Variants in DMD observed in about 807,000 individuals in gnomAD.
DMD encodes the protein mutant dystrophin.
In DMD, 63 loss-of-function variants were observed where a neutral mutation model predicts 330.1. The ratio of observed to expected loss-of-function variants is 0.19; its 90% CI spans 0.16 to 0.24. The LOEUF (loss-of-function observed/expected upper bound fraction) is 0.24. Ranked by LOEUF, DMD falls within the 10% of genes least tolerant of loss-of-function variation. The probability of loss-of-function intolerance (pLI) is 1.00; values close to 1 mark genes in which losing one functional copy is unlikely to be tolerated. For missense variants in DMD, 3,344 were observed against 2,684.1 expected, an observed-to-expected ratio of 1.25 and a Z score of -5.43; for synonymous variants, 1,223 against 959.8, an observed-to-expected ratio of 1.27 and a Z score of -5.07.
chrX:31,750,750 T>C (rs1312823792), intron 51 of DMD, among the ~76,000 whole-genome samples: 13 of 107,684 alleles, frequency 1.2e-4, no homozygotes, highest in African/African-American at 1.7e-4. Context: ...GAAAACCCCA[T>C]TGTCTCAGCC....
At chrX:32,864,822 A>C (rs774949760) in intron 2 of DMD, among the ~76,000 whole-genome samples, 1 of 112,266 alleles carries the variant, frequency 8.9e-6, no homozygotes, top group South Asian at 3.7e-4. Flanking sequence ...ATTCAACAAA[A>C]ACTTAAGGCT....
intron 28 of DMD, among the ~76,000 whole-genome samples, chrX:32,439,469 T>C (rs1474401836): frequency 8.9e-6 from 1 of 111,948 alleles, no homozygotes; most frequent in Admixed American, 9.5e-5. Flanking sequence ...CTAACAAATC[T>C]TAATTTTGTA....
At chrX:32,381,515 A>G (rs1185581402) in intron 33 of DMD, among the ~76,000 whole-genome samples, 1 of 111,339 alleles carries the variant, frequency 9.0e-6, no homozygotes, top group East Asian at 2.8e-4. Context: ...TACTAAAGGC[A>G]GTCAAATCAT....
intron 53 of DMD, among the ~76,000 whole-genome samples, chrX:31,676,552 A>G (rs1323364558): frequency 8.9e-6 from 1 of 112,125 alleles, no homozygotes; most frequent in Non-Finnish European, 1.9e-5. Flanking sequence ...ATTAATAATT[A>G]CATGAGTCTT....
intron 2 of DMD, among the ~76,000 whole-genome samples, chrX:32,906,204 T>C (rs933635819): frequency 2.2e-4 from 24 of 111,471 alleles, no homozygotes; most frequent in African/African-American, 7.9e-4. Context: ...GATGCTGTTC[T>C]CGCGATAGTG....
intron 60 of DMD, among the ~76,000 whole-genome samples, chrX:31,379,764 C>T (rs1315329921): frequency 8.9e-6 from 1 of 112,212 alleles, no homozygotes; most frequent in African/African-American, 3.2e-5. Context: ...TGGCCTCCCC[C>T]AGGAGCTTGC....
intron 21 of DMD, among the ~76,000 whole-genome samples, chrX:32,477,613 G>A (rs747507415): frequency 1.8e-5 from 2 of 110,739 alleles, no homozygotes; most frequent in African/African-American, 3.3e-5. Context: ...TATGTCAAGG[G>A]CAAACCACTT....
chrX:32,647,018 A>T (rs1209956198), intron 9 of DMD, among the ~76,000 whole-genome samples: 1 of 110,747 alleles, frequency 9.0e-6, no homozygotes, highest in Non-Finnish European at 1.9e-5. Context: ...ATTAATAATA[A>T]CTATCAAAGT....
intron 7 of DMD, among the ~76,000 whole-genome samples, chrX:32,714,000 A>C (rs373216219): frequency 3.2e-4 from 36 of 112,103 alleles, no homozygotes; most frequent in African/African-American, 1.1e-3. Flanking sequence ...AAAGTACTGA[A>C]TATATCGTGT....
At chrX:31,293,296 G>A (rs1039625423) in intron 62 of DMD, among the ~76,000 whole-genome samples, 1 of 105,911 alleles carries the variant, frequency 9.4e-6, no homozygotes, top group Non-Finnish European at 1.9e-5. Context: ...CCTAGATGGC[G>A]AACATAGGTG....
intron 1 of DMD, among the ~76,000 whole-genome samples, chrX:33,219,967 T>C (rs1289806766): frequency 9.0e-6 from 1 of 111,087 alleles, no homozygotes; most frequent in Non-Finnish European, 1.9e-5. Flanking sequence ...GTGAGTCACC[T>C]AGCAAGCAGC....
At chrX:33,308,311 C>A (rs1289442764) in intron 1 of DMD, among the ~76,000 whole-genome samples, 1 of 112,062 alleles carries the variant, frequency 8.9e-6, no homozygotes, top group African/African-American at 3.2e-5. Context: ...GGCATTTTCC[C>A]AAGAAAGATT....
At chrX:32,873,914 A>T (rs766978389) in intron 2 of DMD, among the ~76,000 whole-genome samples, 1 of 112,458 alleles carries the variant, frequency 8.9e-6, no homozygotes, top group African/African-American at 3.2e-5. Context: ...GATCTGAATA[A>T]TGAAACATCC....
At chrX:32,946,430 A>G (rs936092597) in intron 2 of DMD, among the ~76,000 whole-genome samples, 1 of 111,653 alleles carries the variant, frequency 9.0e-6, no homozygotes, top group Non-Finnish European at 1.9e-5. Context: ...ATTAAGCAGC[A>G]CCACTGCTAA....
intron 61 of DMD, among the ~76,000 whole-genome samples, chrX:31,329,702 G>A (rs1396115178): frequency 9.1e-6 from 1 of 110,328 alleles, no homozygotes; most frequent in African/African-American, 3.3e-5. Flanking sequence ...GCCGGGCGCG[G>A]TGGCTCACCC....
chrX:33,279,958 T>TGATATCTA (rs1339156438), intron 1 of DMD, among the ~76,000 whole-genome samples: 4 of 111,656 alleles, frequency 3.6e-5, no homozygotes, highest in African/African-American at 1.3e-4. Context: ...TACTAGTTCT[T>TGATATCTA]GATATCTAGA....
At chrX:32,006,911 C>A (rs1386500661) in intron 44 of DMD, among the ~76,000 whole-genome samples, 1 of 108,859 alleles carries the variant, frequency 9.2e-6, no homozygotes, top group African/African-American at 3.4e-5. Flanking sequence ...AGTTCATGTT[C>A]TTTGTAGAGA....
chrX:32,937,662 G>A (rs1424063876), intron 2 of DMD, among the ~76,000 whole-genome samples: 1 of 108,082 alleles, frequency 9.3e-6, no homozygotes, highest in Non-Finnish European at 1.9e-5. Context: ...AGGTACACGA[G>A]GTATACATGG....
intron 9 of DMD, among the ~76,000 whole-genome samples, chrX:32,664,304 C>T (rs368976712): frequency 2.3e-4 from 23 of 100,888 alleles, no homozygotes; most frequent in East Asian, 1.9e-3. Context: ...TGCAGTAGCG[C>T]GATATCCGCT....
Sources: gnomAD v4.1 joint callset for allele counts (sites outside exome capture counted in the v4.1 genomes callset) on GRCh38, gnomAD v4.1.1 for gene constraint, MANE v1.5 for transcripts, NCBI Gene and HGNC (gene_info 2026-07-23, HGNC 2026-07-21) for gene names.